Variants in ATRNL1 observed in about 807,000 individuals in gnomAD.
ATRNL1 encodes the protein attractin-like protein 1.
ATRNL1 carries 95 observed loss-of-function variants against 182.7 expected under a neutral mutation model. That is an observed-to-expected ratio of 0.52 (90% CI 0.44 to 0.62). ATRNL1 has a LOEUF of 0.62. Ranked by LOEUF, ATRNL1 falls within the 20% of genes least tolerant of loss-of-function variation. The pLI is 0.00. For synonymous variants in ATRNL1, 576 were observed against 568.3 expected (o/e 1.01, Z -0.19); for missense variants, 1,471 against 1,679.5 (o/e 0.88, Z 2.17).
intron 28 of ATRNL1, among the ~76,000 whole-genome samples, chr10:115,890,074 A>T (rs1952043405): frequency 6.6e-6 from 1 of 152,180 alleles, no homozygotes; most frequent in African/African-American, 2.4e-5. Context: ...CACAGATAAG[A>T]CTAGCTTTTG....
chr10:115,677,760 C>T (rs537920055), intron 26 of ATRNL1, among the ~76,000 whole-genome samples: 18 of 151,992 alleles, frequency 1.2e-4, no homozygotes, highest in African/African-American at 4.3e-4. Flanking sequence ...AAGGAAACTC[C>T]CAGAGGAGGG....
Position 115,125,594 on chromosome 10 carries a change from A to AT in ATRNL1, c.492-1997dup, listed in dbSNP as rs1427020132. On this transcript the variant is annotated intron_variant, in intron 3 of 28. Transcript: ENST00000355044. ...ATAATTTGAGGCCTAGAAAGATTAT[A>AT]TTCTTGCAGAGACTACCTGGGGACA... 5.9e-5 allele frequency among the ~76,000 whole-genome samples: 9 copies of AT among 152,104 alleles called. No individual in the cohort carries two copies. The East Asian group carries it at 1.7e-3, about 29-fold the overall frequency.
intron 26 of ATRNL1, among the ~76,000 whole-genome samples, chr10:115,631,415 A>G (rs1449909846): frequency 6.6e-6 from 1 of 152,134 alleles, no homozygotes; most frequent in Non-Finnish European, 1.5e-5. Flanking sequence ...TTAAGATATT[A>G]CACATGCTAA....
intron 26 of ATRNL1, among the ~76,000 whole-genome samples, chr10:115,646,296 A>G (rs1266400978): frequency 1.3e-5 from 2 of 152,172 alleles, no homozygotes; most frequent in Admixed American, 6.6e-5. Flanking sequence ...CCTTTATTAG[A>G]TAATTTAGTA....
chr10:115,383,176 G>C (rs1427802176), intron 19 of ATRNL1, among the ~76,000 whole-genome samples: 2 of 144,392 alleles, frequency 1.4e-5, no homozygotes, highest in African/African-American at 5.1e-5. Context: ...TGCATTTACT[G>C]ATTTTTGTAT....
intron 1 of ATRNL1, among the ~76,000 whole-genome samples, chr10:115,115,819 A>T (rs2143576693): frequency 6.6e-6 from 1 of 152,200 alleles, no homozygotes; most frequent in East Asian, 1.9e-4. Flanking sequence ...TCCATAGTCA[A>T]ATTATATATC....
At chr10:115,594,963 T>C (rs1856144167) in intron 26 of ATRNL1, among the ~76,000 whole-genome samples, 2 of 152,230 alleles carry the variant, frequency 1.3e-5, no homozygotes, top group South Asian at 4.1e-4. Context: ...AACATTCTAT[T>C]GAGGTGTAAT....
At chr10:115,934,426 G>A (rs1555122385) in intron 28 of ATRNL1, among the ~76,000 whole-genome samples, 1 of 152,048 alleles carries the variant, frequency 6.6e-6, no homozygotes, top group South Asian at 2.1e-4. Flanking sequence ...AAGTAGACAG[G>A]TCCACTATAA....
chr10:115,924,569 C>T (rs1014763931), intron 28 of ATRNL1, among the ~76,000 whole-genome samples: 4 of 151,908 alleles, frequency 2.6e-5, no homozygotes, highest in Non-Finnish European at 4.4e-5. Flanking sequence ...AGATGTGTGG[C>T]GTTATTTCTG....
intron 26 of ATRNL1, among the ~76,000 whole-genome samples, chr10:115,661,115 A>G (rs1240608004): frequency 6.6e-6 from 1 of 152,132 alleles, no homozygotes; most frequent in African/African-American, 2.4e-5. Context: ...GACATTACCT[A>G]GAGAATACTG....
intron 1 of ATRNL1, among the ~76,000 whole-genome samples, chr10:115,109,582 A>G (rs1396258058): frequency 6.6e-6 from 1 of 151,990 alleles, no homozygotes; most frequent in Admixed American, 6.6e-5. Flanking sequence ...ACATCCCCAC[A>G]CTGTTGTATC....
intron 27 of ATRNL1, among the ~76,000 whole-genome samples, chr10:115,786,634 G>C (rs952656416): frequency 6.6e-6 from 1 of 152,048 alleles, no homozygotes; most frequent in Non-Finnish European, 1.5e-5. Context: ...AATTATATCT[G>C]CAAAGACTCT....
chr10:115,556,107 T>C (rs1853300713), intron 26 of ATRNL1, among the ~76,000 whole-genome samples: 1 of 152,026 alleles, frequency 6.6e-6, no homozygotes, highest in Non-Finnish European at 1.5e-5. Flanking sequence ...ATAATGTAAC[T>C]TATGCATCTG....
At chr10:115,318,946 T>C (rs1177470804) in intron 18 of ATRNL1, among the ~76,000 whole-genome samples, 3 of 152,158 alleles carry the variant, frequency 2.0e-5, no homozygotes, top group East Asian at 1.9e-4. Flanking sequence ...TTTGGATTTG[T>C]TTGCTGTTGC....
chr10:115,153,178 C>CT (rs1223741067), intron 5 of ATRNL1, among the ~76,000 whole-genome samples: 7 of 152,044 alleles, frequency 4.6e-5, no homozygotes, highest in Non-Finnish European at 2.9e-5. Flanking sequence ...CTAAAATTCT[C>CT]TTTTTTTGTT....
At chr10:115,094,731 A>G (rs2084969952) in intron 1 of ATRNL1, among the ~76,000 whole-genome samples, 1 of 152,182 alleles carries the variant, frequency 6.6e-6, no homozygotes, top group Admixed American at 6.5e-5. Flanking sequence ...ATTACACAGT[A>G]GTAAGGGCCG....
intron 28 of ATRNL1, among the ~76,000 whole-genome samples, chr10:115,875,567 G>A (rs1212204792): frequency 1.3e-5 from 2 of 152,178 alleles, no homozygotes; most frequent in South Asian, 4.1e-4. Context: ...AGAGATTCAA[G>A]GATCTAAGTA....
intron 12 of ATRNL1, among the ~76,000 whole-genome samples, chr10:115,267,232 A>G (rs1177973116): frequency 1.3e-5 from 2 of 150,498 alleles, no homozygotes; most frequent in Non-Finnish European, 3.0e-5. Flanking sequence ...ATATATCAAT[A>G]TTTTATATAT....
chr10:115,660,014 CA>C (rs1253628426), intron 26 of ATRNL1, among the ~76,000 whole-genome samples: 1 of 152,044 alleles, frequency 6.6e-6, no homozygotes, highest in Non-Finnish European at 1.5e-5. Context: ...AAGCAAGAAG[CA>C]TGACATGAAC....
Sources: allele counts gnomAD v4.1 joint callset (sites outside exome capture counted in the v4.1 genomes callset), GRCh38; gene constraint gnomAD v4.1.1; transcripts MANE v1.5; gene names NCBI Gene and HGNC (gene_info 2026-07-23, HGNC 2026-07-21).